SLC25A13: variants seen among roughly 807,000 people sequenced by gnomAD.
The protein encoded by SLC25A13 is solute carrier family 25 member 13.
In SLC25A13, 70 loss-of-function variants were observed where a neutral mutation model predicts 85.5. That is an observed-to-expected ratio of 0.82 (90% CI 0.68 to 1.00). The LOEUF (loss-of-function observed/expected upper bound fraction) is 1.00. SLC25A13 is among the 50% of genes least tolerant of loss of function. The pLI is 0.00. For missense variants in SLC25A13, 765 were observed against 819.8 expected, an observed-to-expected ratio of 0.93 and a Z score of 0.82; for synonymous variants, 259 against 288.7, an observed-to-expected ratio of 0.90 and a Z score of 1.04.
intron 3 of SLC25A13, among the ~76,000 whole-genome samples, chr7:96,243,683 A>G (rs893527092): frequency 6.6e-6 from 1 of 152,076 alleles, no homozygotes; most frequent in Non-Finnish European, 1.5e-5. Flanking sequence ...AGGTATTGAG[A>G]TCTGAATGGT....
intron 4 of SLC25A13, among the ~76,000 whole-genome samples, chr7:96,214,746 T>C (rs1795825464): frequency 6.6e-6 from 1 of 151,858 alleles, no homozygotes; most frequent in Admixed American, 6.6e-5. Flanking sequence ...AATTAATTAA[T>C]TAATTTTAAA....
chr7:96,143,562 G>A (rs118022520), intron 14 of SLC25A13, among the ~76,000 whole-genome samples: 1,759 of 152,260 alleles, frequency 0.012, 16 homozygotes, highest in Non-Finnish European at 0.019. Context: ...CTCTCTAAAT[G>A]TTAGCATTTT....
chr7:96,216,329 A>G (rs1795899522), intron 4 of SLC25A13, among the ~76,000 whole-genome samples: 3 of 152,160 alleles, frequency 2.0e-5, no homozygotes, highest in Non-Finnish European at 4.4e-5. Context: ...CCACTGTGGA[A>G]TACAGTGTGG....
At chr7:96,274,257 A>T (rs1798357213) in intron 3 of SLC25A13, among the ~76,000 whole-genome samples, 1 of 151,364 alleles carries the variant, frequency 6.6e-6, no homozygotes, top group Non-Finnish European at 1.5e-5. Flanking sequence ...TCTGATGGCC[A>T]GTGATGATGA....
intron 1 of SLC25A13, among the ~76,000 whole-genome samples, chr7:96,310,414 T>C (rs1343809342): frequency 6.6e-6 from 1 of 152,312 alleles, no homozygotes; most frequent in East Asian, 1.9e-4. Context: ...GGCAAGAACA[T>C]TTTTAGGTTC....
At chr7:96,203,366 C>T (rs1048042887) in intron 5 of SLC25A13, among the ~76,000 whole-genome samples, 4 of 152,158 alleles carry the variant, frequency 2.6e-5, no homozygotes, top group East Asian at 1.9e-4. Flanking sequence ...TTTCTAAATA[C>T]GCATCTCAGA....
Position 96,194,807 on chromosome 7 carries a change from T to A in SLC25A13, c.469-1624A>T, listed in dbSNP as rs137954718. Among the ~76,000 whole-genome samples, 234 of 152,302 alleles carry A rather than the reference T, an allele frequency of 1.5e-3. 2 individuals are homozygous for A. The highest frequency in any genetic ancestry group is 5.5e-3 in the African/African-American group (228 of 41,574). On this transcript the variant is annotated intron_variant, in intron 5 of 17. Transcript: ENST00000265631. ...CTTTTGCAGTTTGAAAATGTCTACA[T>A]TTAAAATATTTTAAAGATAAGACAT... is the stretch of plus-strand genomic sequence containing the variant.
Position 96,277,406 on chromosome 7 carries a change from A to C in SLC25A13, c.70-68T>G, listed in dbSNP as rs906051089. 2.1e-5 allele frequency: 30 copies of C among 1,463,108 alleles called. No homozygotes were observed. The African/African-American group carries it at 3.4e-4, about 17-fold the overall frequency. The allele number at this position is 1,463,108 out of a possible 1,614,324, so 90.6% of individuals were successfully genotyped here. A position where few individuals can be genotyped will look rare whatever the true frequency, so the allele number is the denominator to read the frequency against. ...TCAACAGTATATAATCATGAGAGTG[A>C]TATGTGAAAAAGTTGAAAATATCCA... is the stretch of plus-strand genomic sequence containing the variant. On this transcript the variant is annotated intron_variant, in intron 2 of 17. Transcript: ENST00000265631.
intron 4 of SLC25A13, among the ~76,000 whole-genome samples, chr7:96,216,915 AAG>A (rs1795922176): frequency 6.6e-6 from 1 of 152,194 alleles, no homozygotes; most frequent in South Asian, 2.1e-4. Flanking sequence ...GTTTAAAAAA[AAG>A]AGAGAAAAAA....
At chr7:96,157,179 G>A (rs1793305032) in intron 13 of SLC25A13, among the ~76,000 whole-genome samples, 1 of 152,086 alleles carries the variant, frequency 6.6e-6, no homozygotes. Context: ...CTTCTCAAAC[G>A]CACAGCATTC....
chr7:96,180,375 C>A (rs928883153), intron 11 of SLC25A13, among the ~76,000 whole-genome samples: 6 of 152,066 alleles, frequency 3.9e-5, no homozygotes, highest in Non-Finnish European at 8.8e-5. Context: ...GAGTTTCACT[C>A]TTGTCTCCCA....
intron 4 of SLC25A13, among the ~76,000 whole-genome samples, chr7:96,234,315 T>C (rs1796664048): frequency 6.6e-6 from 1 of 151,440 alleles, no homozygotes; most frequent in Non-Finnish European, 1.5e-5. Context: ...GGAGCGGGGG[T>C]TGTTTAGAAC....
At chr7:96,299,880 A>T (rs1158037530) in intron 1 of SLC25A13, among the ~76,000 whole-genome samples, 2 of 152,204 alleles carry the variant, frequency 1.3e-5, no homozygotes, top group African/African-American at 4.8e-5. Flanking sequence ...GGCAACTGTA[A>T]AACAAGTATC....
In SLC25A13 at chr7:96,121,167, A is replaced by G; in HGVS notation, c.*24T>C. On this transcript the variant is annotated 3_prime_UTR_variant, in exon 18 of 18. Transcript: ENST00000265631. ...TTTACTGCAGTACCCACAAAAAGAC[A>G]GCACTATCCCAGGGCTGATCTTCCT... The G allele has an allele frequency of 6.2e-7, 1 of 1,613,090 alleles. No homozygotes were observed. The highest frequency in any genetic ancestry group is 8.5e-7 in the Non-Finnish European group (1 of 1,179,028).
chr7:96,298,203 A>G (rs1169633831), intron 1 of SLC25A13, among the ~76,000 whole-genome samples: 1 of 152,146 alleles, frequency 6.6e-6, no homozygotes, highest in African/African-American at 2.4e-5. Context: ...TGAGCTAGTG[A>G]AGGCTGTTCT....
At chr7:96,203,089 C>T (rs927336754) in intron 5 of SLC25A13, among the ~76,000 whole-genome samples, 10 of 152,210 alleles carry the variant, frequency 6.6e-5, no homozygotes, top group African/African-American at 2.4e-4. Flanking sequence ...ATTTACCACA[C>T]AATAGTAGAG....
At chr7:96,159,854 C>T (rs574345418) in intron 13 of SLC25A13, among the ~76,000 whole-genome samples, 84 of 152,184 alleles carry the variant, frequency 5.5e-4, no homozygotes, top group African/African-American at 1.9e-3. Flanking sequence ...CTTAACCACA[C>T]GGTAAGGCAG....
At chr7:96,220,291 A>G (rs1383342383) in intron 4 of SLC25A13, among the ~76,000 whole-genome samples, 2 of 152,226 alleles carry the variant, frequency 1.3e-5, no homozygotes, top group Non-Finnish European at 2.9e-5. Flanking sequence ...AAAAGCATTA[A>G]CATACATTTA....
At chr7:96,223,235 A>G (rs1796201438) in intron 4 of SLC25A13, among the ~76,000 whole-genome samples, 1 of 152,232 alleles carries the variant, frequency 6.6e-6, no homozygotes, top group Non-Finnish European at 1.5e-5. Flanking sequence ...ACACACCATC[A>G]TTACCACCAA....
Sources: allele counts gnomAD v4.1 joint callset (sites outside exome capture counted in the v4.1 genomes callset), GRCh38; gene constraint gnomAD v4.1.1; transcripts MANE v1.5; gene names NCBI Gene and HGNC (gene_info 2026-07-23, HGNC 2026-07-21).